Variants in CSMD1 observed in about 807,000 individuals in gnomAD.
CSMD1 encodes the protein CUB and sushi domain-containing protein 1.
In CSMD1, 213 loss-of-function variants were observed where a neutral mutation model predicts 417.5. The ratio of observed to expected loss-of-function variants is 0.51; its 90% CI spans 0.46 to 0.57. The LOEUF (loss-of-function observed/expected upper bound fraction) is 0.57. Among genes scored for constraint, CSMD1 ranks in the 20% least tolerant of loss-of-function variants. The pLI is 0.00. For synonymous variants in CSMD1, 2,862 were observed against 1,736.8 expected, an observed-to-expected ratio of 1.65 and a Z score of -16.11; for missense variants, 6,923 against 4,529.7, an observed-to-expected ratio of 1.53 and a Z score of -15.17.
chr8:4,062,028 G>T (rs188676572), intron 3 of CSMD1, among the ~76,000 whole-genome samples: 1 of 152,232 alleles, frequency 6.6e-6, no homozygotes, highest in East Asian at 1.9e-4. Context: ...AGGAGAGCAC[G>T]CAGGTGGTGA....
In CSMD1 at chr8:4,055,547, T is replaced by C. The variant is rs562984061; in HGVS notation, c.416-23448A>G. 2.5e-3 allele frequency among the ~76,000 whole-genome samples: 350 copies of C among 141,346 alleles called. 1 individual carries two copies. The highest frequency in any genetic ancestry group is 3.3e-3 in the Non-Finnish European group (227 of 67,914). The allele number at this position is 141,346 out of a possible 152,430, so 92.7% of individuals were successfully genotyped here. On this transcript the variant is annotated intron_variant, in intron 3 of 69. Transcript: ENST00000635120. ...AATTTAATAATGTCAAGAATTTTAA[T>C]GAATATCATATAAAGAAGAAGAGTC...
chr8:4,099,205 C>T (rs983859207), intron 3 of CSMD1, among the ~76,000 whole-genome samples: 15 of 142,086 alleles, frequency 1.1e-4, no homozygotes, highest in African/African-American at 3.7e-4. Flanking sequence ...CACACACACA[C>T]GCACACACAC....
At chr8:4,148,666 C>G (rs545855992) in intron 3 of CSMD1, among the ~76,000 whole-genome samples, 2 of 152,062 alleles carry the variant, frequency 1.3e-5, no homozygotes, top group East Asian at 1.9e-4. Flanking sequence ...GAGAGAGGAG[C>G]GTGCCCTCGT....
chr8:4,376,520 A>G (rs1445213974), intron 3 of CSMD1, among the ~76,000 whole-genome samples: 1 of 152,180 alleles, frequency 6.6e-6, no homozygotes, highest in Non-Finnish European at 1.5e-5. Context: ...TCCCCACAGT[A>G]TATTTAATCA....
chr8:4,060,695 C>G (rs58226234), intron 3 of CSMD1, among the ~76,000 whole-genome samples: 17,673 of 152,052 alleles, frequency 0.12, 1,555 homozygotes, highest in East Asian at 0.35. Context: ...TGAGAAATGC[C>G]TGCTCCTCCA....
chr8:4,040,076 T>A (rs1271895633), intron 3 of CSMD1, among the ~76,000 whole-genome samples: 2 of 152,166 alleles, frequency 1.3e-5, no homozygotes, highest in South Asian at 4.1e-4. Flanking sequence ...AATAATACAA[T>A]TTTCAAAGTA....
intron 1 of CSMD1, among the ~76,000 whole-genome samples, chr8:4,797,379 C>T (rs929307675): frequency 5.9e-5 from 9 of 152,136 alleles, no homozygotes; most frequent in African/African-American, 2.2e-4. Context: ...GAGTGTTCCG[C>T]CTGAATCTAG....
chr8:3,657,820 T>A (rs1470817677), intron 7 of CSMD1, among the ~76,000 whole-genome samples: 1 of 152,160 alleles, frequency 6.6e-6, no homozygotes, highest in Non-Finnish European at 1.5e-5. Flanking sequence ...ATTCTGCACA[T>A]GTACCCCAGA....
At chr8:4,511,036 C>T (rs1802794001) in intron 2 of CSMD1, among the ~76,000 whole-genome samples, 1 of 151,986 alleles carries the variant, frequency 6.6e-6, no homozygotes, top group South Asian at 2.1e-4. Flanking sequence ...TTTTATTTTT[C>T]TCCCCTCTCT....
chr8:3,318,541 T>C (rs530089168), intron 23 of CSMD1, among the ~76,000 whole-genome samples: 1 of 152,320 alleles, frequency 6.6e-6, no homozygotes, highest in Non-Finnish European at 1.5e-5. Flanking sequence ...GGATGCCCAT[T>C]CATTAATTCA....
chr8:3,913,748 C>A (rs940779456), intron 5 of CSMD1, among the ~76,000 whole-genome samples: 1 of 152,056 alleles, frequency 6.6e-6, no homozygotes, highest in African/African-American at 2.4e-5. Flanking sequence ...GAATGTGGGT[C>A]ACAGGATGAG....
At chr8:3,273,845 T>C (rs1209218989) in intron 26 of CSMD1, among the ~76,000 whole-genome samples, 1 of 152,192 alleles carries the variant, frequency 6.6e-6, no homozygotes, top group African/African-American at 2.4e-5. Flanking sequence ...TTGCTAGTGG[T>C]CTACCAATTT....
At chr8:4,066,363 T>G (rs1243485991) in intron 3 of CSMD1, among the ~76,000 whole-genome samples, 3 of 152,214 alleles carry the variant, frequency 2.0e-5, no homozygotes, top group Admixed American at 1.3e-4. Flanking sequence ...TGTGTATTTC[T>G]AAGTCCCACT....
chr8:3,815,231 G>A (rs1026550697), intron 5 of CSMD1, among the ~76,000 whole-genome samples: 3 of 152,278 alleles, frequency 2.0e-5, no homozygotes, highest in South Asian at 2.1e-4. Context: ...GGAACATAGA[G>A]TACCCATATG....
intron 10 of CSMD1, chr8:3,515,223 T>A (rs1797236856): frequency 6.6e-6 from 1 of 152,230 alleles, no homozygotes; most frequent in African/African-American, 2.4e-5. Context: ...TCAAGTACAT[T>A]TGACATCCTA....
chr8:4,966,918 A>T (rs1020012573), intron 1 of CSMD1, among the ~76,000 whole-genome samples: 1 of 152,192 alleles, frequency 6.6e-6, no homozygotes, highest in African/African-American at 2.4e-5. Context: ...TGACTGAAGC[A>T]TTGGCAATCC....
intron 5 of CSMD1, among the ~76,000 whole-genome samples, chr8:3,917,676 T>C (rs886936654): frequency 3.9e-5 from 6 of 152,138 alleles, no homozygotes; most frequent in African/African-American, 7.2e-5. Context: ...GTTGTACACA[T>C]GTAATGCCAT....
At chr8:3,115,507 C>T (rs545217845) in intron 42 of CSMD1, among the ~76,000 whole-genome samples, 2 of 152,036 alleles carry the variant, frequency 1.3e-5, no homozygotes, top group Non-Finnish European at 2.9e-5. Flanking sequence ...CGGCCTAAAA[C>T]CCCCACCTTT....
chr8:3,312,282 C>T (rs1395614948), intron 23 of CSMD1, among the ~76,000 whole-genome samples: 1 of 152,184 alleles, frequency 6.6e-6, no homozygotes, highest in Admixed American at 6.5e-5. Flanking sequence ...TTATTTATGG[C>T]AGCGTAGTTT....
Sources: allele counts gnomAD v4.1 joint callset (sites outside exome capture counted in the v4.1 genomes callset), GRCh38; gene constraint gnomAD v4.1.1; transcripts MANE v1.5; gene names NCBI Gene and HGNC (gene_info 2026-07-23, HGNC 2026-07-21).